LRRC40: variants seen among roughly 807,000 people sequenced by gnomAD.
LRRC40 encodes leucine-rich repeat-containing protein 40.
Under a neutral mutation model 72.8 loss-of-function variants are expected in LRRC40, and 76 were observed. That is an observed-to-expected ratio of 1.04 (90% CI 0.87 to 1.26). The LOEUF is 1.26. Among genes scored for constraint, LRRC40 ranks in the 50% most tolerant of loss-of-function variants. The pLI is 0.00. For synonymous variants in LRRC40, 243 were observed against 254.2 expected (o/e 0.96, Z 0.42); for missense variants, 684 against 698.9 (o/e 0.98, Z 0.24).
At chr1:70,169,555 T>C (rs1032503556) in intron 9 of LRRC40, among the ~76,000 whole-genome samples, 1 of 152,010 alleles carries the variant, frequency 6.6e-6, no homozygotes, top group South Asian at 2.1e-4. Flanking sequence ...CCAGCTAGTG[T>C]GGCCTAGAAA....
At chr1:70,170,188 C>T (rs1667971206) in intron 9 of LRRC40, among the ~76,000 whole-genome samples, 1 of 151,996 alleles carries the variant, frequency 6.6e-6, no homozygotes, top group African/African-American at 2.4e-5. Context: ...AAAAAATTGA[C>T]AAAAACTCAA....
At chr1:70,158,806 C>A (rs989536080) in intron 10 of LRRC40, among the ~76,000 whole-genome samples, 1 of 152,040 alleles carries the variant, frequency 6.6e-6, no homozygotes, top group African/African-American at 2.4e-5. Context: ...AGACACCCAC[C>A]AATATGAAAT....
In LRRC40 at chr1:70,178,841, T is replaced by C. The variant is rs762388245; in HGVS notation, c.804+10A>G. 1 of 1,505,474 alleles carries C rather than the reference T, an allele frequency of 6.6e-7. No homozygotes were observed. 93.3% of individuals were successfully genotyped at this position (1,505,474 alleles called of 1,614,324 possible). A position where few individuals can be genotyped will look rare whatever the true frequency, so the allele number is the denominator to read the frequency against. On this transcript the variant is annotated intron_variant, in intron 6 of 14. Transcript: ENST00000370952. Reference sequence around the variant, plus strand: ...AAAATATAGTTATTTAATAATCAACTAAATAGTACCTTCAATAGACTACAA... The same window carrying C: ...AAAATATAGTTATTTAATAATCAACCAAATAGTACCTTCAATAGACTACAA...
chr1:70,167,238 A>AAG (rs796355093), intron 9 of LRRC40, among the ~76,000 whole-genome samples: 24 of 151,798 alleles, frequency 1.6e-4, no homozygotes, highest in African/African-American at 5.5e-4. Context: ...GTTAAAAAAA[A>AAG]AAAAAAAAAG....
chr1:70,145,899 T>TA lies in LRRC40; in HGVS notation c.1709dup (p.Leu570PhefsTer25). 2 of 1,549,952 alleles carry TA rather than the reference T, an allele frequency of 1.3e-6. No homozygotes were observed. The highest frequency in any genetic ancestry group is 8.9e-7 in the Non-Finnish European group (1 of 1,123,950). On this transcript the variant is annotated frameshift_variant, in exon 15 of 15. Transcript: ENST00000370952. LOFTEE classifies it high-confidence loss of function. Reference sequence around the variant, plus strand: ...CTCGGAATGGATTTCCATCCAGTAGTAATGTTCTAAACAAAAGAGAGAAAT... The same window carrying TA: ...CTCGGAATGGATTTCCATCCAGTAGTAAATGTTCTAAACAAAAGAGAGAAAT...
rs991644487 is a variant in LRRC40, at chr1:70,145,119, A to T, written c.*681T>A. The T allele has an allele frequency of 6.6e-6, 1 of 152,212 alleles. No homozygotes were observed. The highest frequency in any genetic ancestry group is 2.4e-5 in the African/African-American group (1 of 41,474). The allele number at this position is 152,212 out of a possible 1,614,324, so 9.4% of individuals were successfully genotyped here. On this transcript the variant is annotated 3_prime_UTR_variant, in exon 15 of 15. Coordinates refer to ENST00000370952, the MANE Select transcript of LRRC40 (RefSeq NM_017768.5). ...CTTACCAAGATTGCAAGTAAATTTT[A>T]AAATTATGGTGCTGTAAATAAAAAG... is the stretch of plus-strand genomic sequence containing the variant.
At chr1:70,172,552 T>C (rs1353081448) in intron 9 of LRRC40, among the ~76,000 whole-genome samples, 1 of 152,178 alleles carries the variant, frequency 6.6e-6, no homozygotes, top group Non-Finnish European at 1.5e-5. Flanking sequence ...TGGCTTTCTG[T>C]TCATAAAATT....
At chr1:70,151,016 A>T (rs1474019141) in intron 13 of LRRC40, 112 bp downstream of exon 13, 2 of 570,734 alleles carry the variant, frequency 3.5e-6, no homozygotes, top group Admixed American at 6.9e-5. Flanking sequence ...TAAAATCTGG[A>T]TATTGAAATA....
chr1:70,148,556 G>T lies in LRRC40; in HGVS notation c.1634C>A (p.Thr545Asn). 6.2e-7 allele frequency: 1 copy of T among 1,613,584 alleles called. No homozygotes were observed. Residue 545 changes from threonine (T) to asparagine (N), a missense_variant, in exon 14 of 15, where the codon ACC (threonine) becomes AAC (asparagine). By Grantham distance (65) the Thr-to-Asn change is moderately conservative. Coordinates refer to ENST00000370952, the MANE Select transcript of LRRC40 (RefSeq NM_017768.5). ...PQKMKMMENL[T>N]TLDLQNNDLL... ...GTCATTATTTTGAAGGTCCAACGTG[G>T]TCAGATTTTCCATCATCTTCATTTT... is the stretch of plus-strand genomic sequence containing the variant.
intron 7 of LRRC40, among the ~76,000 whole-genome samples, 200 bp from the exon 8 acceptor site, chr1:70,173,909 GT>G (rs1668049441): frequency 6.6e-6 from 1 of 151,968 alleles, no homozygotes; most frequent in Non-Finnish European, 1.5e-5. Flanking sequence ...TTTCAAAATT[GT>G]CATGCTGAGA....
intron 9 of LRRC40, among the ~76,000 whole-genome samples, chr1:70,170,129 A>G (rs1182421793): frequency 6.6e-6 from 1 of 152,226 alleles, no homozygotes; most frequent in Non-Finnish European, 1.5e-5. Flanking sequence ...GTAATACAGC[A>G]TATTAACAGA....
chr1:70,200,580 G>A (rs1388143889), intron 1 of LRRC40, among the ~76,000 whole-genome samples: 2 of 152,110 alleles, frequency 1.3e-5, no homozygotes, highest in Non-Finnish European at 2.9e-5. Context: ...TGTTTAACAA[G>A]TACAATTCTT....
At chr1:70,172,685 A>G (rs1056251344) in intron 9 of LRRC40, among the ~76,000 whole-genome samples, 4 of 152,180 alleles carry the variant, frequency 2.6e-5, no homozygotes, top group Admixed American at 6.5e-5. Context: ...TTAGAAAATT[A>G]TTTTAATAAT....
At chr1:70,193,764 G>A (rs987145465) in intron 1 of LRRC40, among the ~76,000 whole-genome samples, 3 of 151,950 alleles carry the variant, frequency 2.0e-5, no homozygotes, top group African/African-American at 7.3e-5. Context: ...ATGATCCAGT[G>A]CGAGTTATCT....
At chr1:70,153,362 C>CA (rs578043726) in intron 11 of LRRC40, among the ~76,000 whole-genome samples, 228 of 142,136 alleles carry the variant, frequency 1.6e-3, no homozygotes, top group Non-Finnish European at 2.3e-3. Context: ...AACTCTGTCT[C>CA]AAAAAAAAAG....
Position 70,187,340 on chromosome 1 carries a change from T to G in LRRC40, c.334-2A>C. On this transcript the variant is annotated splice_acceptor_variant, in intron 2 of 14. Coordinates refer to ENST00000370952, the MANE Select transcript of LRRC40 (RefSeq NM_017768.5). LOFTEE classifies it high-confidence loss of function. ...GGATGTCAACTGATTATCATGTATC[T>G]AAAAGTTTTTAAAAGACAAAGTCAA... 1.4e-6 allele frequency: 2 copies of G among 1,392,316 alleles called. No homozygotes were observed. Among genetic ancestry groups the G allele is most frequent in the South Asian group, 2.4e-5 (2 of 82,940 alleles). 86.2% of individuals were successfully genotyped at this position (1,392,316 alleles called of 1,614,324 possible).
intron 4 of LRRC40, among the ~76,000 whole-genome samples, chr1:70,183,878 A>G (rs1002731367): frequency 6.6e-6 from 1 of 152,102 alleles, no homozygotes; most frequent in Non-Finnish European, 1.5e-5. Flanking sequence ...TATCAGCTTT[A>G]CTTTCTTATT....
At chr1:70,161,655 A>G (rs1667766066) in intron 9 of LRRC40, among the ~76,000 whole-genome samples, 1 of 152,130 alleles carries the variant, frequency 6.6e-6, no homozygotes, top group Non-Finnish European at 1.5e-5. Context: ...CCTAGAACGA[A>G]GTCTTCAGAG....
rs763517864 is a variant in LRRC40 at position 70,184,766 on chromosome 1, T to A, written c.537+19A>T. The A allele has an allele frequency of 6.3e-7, 1 of 1,583,418 alleles. No homozygotes were observed. Among genetic ancestry groups the A allele is most frequent in the East Asian group, 2.3e-5 (1 of 43,944 alleles). On this transcript the variant is annotated intron_variant, in intron 4 of 14. Coordinates refer to ENST00000370952, the MANE Select transcript of LRRC40 (RefSeq NM_017768.5). ...CCACCAGCCCCAAATTGTACAAAAATTGGAAAATCAGAACTTACTAAATCT... is the reference window on the plus strand; with the variant it reads ...CCACCAGCCCCAAATTGTACAAAAAATGGAAAATCAGAACTTACTAAATCT...
Sources: allele counts gnomAD v4.1 joint callset (sites outside exome capture counted in the v4.1 genomes callset), GRCh38; gene constraint gnomAD v4.1.1; transcripts MANE v1.5; gene names NCBI Gene and HGNC (gene_info 2026-07-23, HGNC 2026-07-21).